The following FOXI1 variants were observed in gnomAD, a reference collection of about 807,000 sequenced individuals.
FOXI1 encodes forkhead box protein I1.
A neutral mutation model predicts 16.4 loss-of-function variants in FOXI1; 11 were observed. The ratio of observed to expected loss-of-function variants is 0.67; its 90% CI spans 0.42 to 1.11. FOXI1 has a LOEUF of 1.11. FOXI1 is among the 50% of genes least tolerant of loss of function. The pLI, the probability that FOXI1 is intolerant of heterozygous loss-of-function variation, is 0.00. For synonymous variants in FOXI1, 218 were observed against 211.5 expected, an observed-to-expected ratio of 1.03 and a Z score of -0.27; for missense variants, 480 against 506.1, an observed-to-expected ratio of 0.95 and a Z score of 0.49.
chr5:170,105,979 G>A lies in FOXI1; in HGVS notation c.22G>A (p.Ala8Thr), dbSNP rs1371952367. MSSFDLP[A>T]PSPPRCSPQF... ...CAGCATGAGCTCCTTCGACCTGCCG[G>A]CGCCCTCCCCACCTCGCTGCAGCCC... Residue 8 changes from alanine (A) to threonine (T), a missense_variant, in exon 1 of 2, where the codon GCG becomes ACG. Coordinates refer to ENST00000306268, the MANE Select transcript of FOXI1 (RefSeq NM_012188.5). 1 of 1,610,922 alleles carries A rather than the reference G, an allele frequency of 6.2e-7. No homozygotes were observed.
chr5:170,107,599 G>C (rs925162973), intron 1 of FOXI1, among the ~76,000 whole-genome samples: 1 of 152,212 alleles, frequency 6.6e-6, no homozygotes, highest in Non-Finnish European at 1.5e-5. Flanking sequence ...CTAGAAAACA[G>C]GTTCTTCCAA....
intron 1 of FOXI1, among the ~76,000 whole-genome samples, chr5:170,107,508 G>A (rs1440469737): frequency 6.6e-6 from 1 of 152,204 alleles, no homozygotes. Flanking sequence ...CCTCCCAGCT[G>A]CAACGCTCCT....
intron 1 of FOXI1, 67 bp downstream of exon 1, chr5:170,106,598 A>C: frequency 6.3e-7 from 1 of 1,594,312 alleles, no homozygotes; most frequent in African/African-American, 1.3e-5. Context: ...CCAAGACCCC[A>C]TTCTAGAAAG....
At position 170,108,878 on chromosome 5, in the gene FOXI1, T is replaced by C. The variant is rs1003288855; in HGVS notation, c.*267T>C. The C allele has an allele frequency of 4.0e-6, 2 of 494,014 alleles. No homozygotes were observed. The highest frequency in any genetic ancestry group is 2.6e-5 in the South Asian group (1 of 38,240). The allele number at this position is 494,014 out of a possible 1,614,324, so 30.6% of individuals were successfully genotyped here. ...GCAGGTGCTGTACTAGGCTCTGTACTGGCCACACTTACTATTGACAGTCAC... is the reference window on the plus strand; with the variant it reads ...GCAGGTGCTGTACTAGGCTCTGTACCGGCCACACTTACTATTGACAGTCAC... On this transcript the variant is annotated 3_prime_UTR_variant, in exon 2 of 2. Coordinates refer to ENST00000306268, the MANE Select transcript of FOXI1 (RefSeq NM_012188.5).
rs1758475384 is a variant in FOXI1 at position 170,106,176 on chromosome 5, A to G, written c.219A>G (p.Pro73=). The G allele has an allele frequency of 1.3e-6, 2 of 1,595,230 alleles. No homozygotes were observed. The highest frequency in any genetic ancestry group is 4.6e-5 in the East Asian group (2 of 43,798). ...TCAACGGGCCCACCATGACCCCGCC[A>G]CCCTACCTGCCCGGCCCCAACGCCA... ...LWFNGPTMTP[P]PYLPGPNASP... is the part of the protein sequence containing the mutation. The change falls in exon 1 of 2, where the codon CCA becomes CCG. Residue 73 remains proline (P), a synonymous_variant. Coordinates refer to ENST00000306268, the MANE Select transcript of FOXI1 (RefSeq NM_012188.5).
At position 170,107,079 on chromosome 5, in the gene FOXI1, G is replaced by A. The variant is rs1008426906; in HGVS notation, c.574+548G>A. 15 of 754,564 alleles carry A rather than the reference G, an allele frequency of 2.0e-5. No individual in the cohort carries two copies. The South Asian group carries it at 3.0e-4, about 15-fold the overall frequency. 46.7% of individuals were successfully genotyped at this position (754,564 alleles called of 1,614,324 possible). ...CTACTTAGGTAACCTCCTTTAACCC[G>A]AAGACACCCCTGCAGGGTAGCTCTT... On this transcript the variant is annotated intron_variant, in intron 1 of 1. Coordinates refer to ENST00000306268, the MANE Select transcript of FOXI1 (RefSeq NM_012188.5).
Position 170,108,616 on chromosome 5 carries a change from A to T in FOXI1, c.*5A>T. 1.9e-6 allele frequency: 3 copies of T among 1,608,702 alleles called. No homozygotes were observed. Among genetic ancestry groups the T allele is most frequent in the Non-Finnish European group, 2.6e-6 (3 of 1,175,830 alleles). On this transcript the variant is annotated 3_prime_UTR_variant, in exon 2 of 2. Transcript: ENST00000306268. The stretch of plus-strand genomic sequence containing the variant: ...AGGGAGGGCACCGAGGTCTAGGTAC[A>T]GAACAGCTCCTGAGCCAGGTGGACA...
rs1233235447 is a variant in FOXI1, at chr5:170,108,101, T to C, written c.627T>C (p.Asn209=). The C allele has an allele frequency of 6.2e-7, 1 of 1,614,126 alleles. No homozygotes were observed. The highest frequency in any genetic ancestry group is 2.2e-5 in the East Asian group (1 of 44,882). The change falls in exon 2 of 2, where the codon AAT becomes AAC. Residue 209 remains asparagine, a synonymous_variant. Coordinates refer to ENST00000306268, the MANE Select transcript of FOXI1 (RefSeq NM_012188.5). ...LDPNCEKMFD[N]GNFRRKRKRK... is the part of the protein sequence containing the mutation. ...CCAACTGTGAGAAAATGTTCGACAA[T>C]GGAAATTTCCGCAGGAAAAGGAAGA...
In FOXI1 at chr5:170,108,919, AACC is replaced by A. The variant is rs1168430752; in HGVS notation, c.*312_*314del. On this transcript the variant is annotated 3_prime_UTR_variant, in exon 2 of 2. Coordinates refer to ENST00000306268, the MANE Select transcript of FOXI1 (RefSeq NM_012188.5). Reference sequence around the variant, plus strand: ...TGACAGTCACCCCGTAAGGTTCACAAACCACCCCATTGAACAGATGAGGAACTG... The same window carrying A: ...TGACAGTCACCCCGTAAGGTTCACAAACCCCATTGAACAGATGAGGAACTG... The A allele has an allele frequency of 1.9e-5, 7 of 375,936 alleles. No homozygotes were observed. Among genetic ancestry groups the A allele is most frequent in the African/African-American group, 1.4e-4 (7 of 48,838 alleles). The allele number at this position is 375,936 out of a possible 1,614,324, so 23.3% of individuals were successfully genotyped here.
At position 170,106,558 on chromosome 5, in the gene FOXI1, G is replaced by A. The variant is rs1017653820; in HGVS notation, c.574+27G>A. 2.5e-6 allele frequency: 4 copies of A among 1,613,556 alleles called. No homozygotes were observed. In the African/African-American group the frequency reaches 4.0e-5, roughly 16 times the overall value. Reference sequence around the variant, plus strand: ...TAAGGAGGCTTTGAGTGTGGGGGGTGTCCCCAAGGAAGACTCACTTCCTTC... The same window carrying A: ...TAAGGAGGCTTTGAGTGTGGGGGGTATCCCCAAGGAAGACTCACTTCCTTC... On this transcript the variant is annotated intron_variant, in intron 1 of 1. Transcript: ENST00000306268.
At chr5:170,106,933 A>G (rs1581593145) in intron 1 of FOXI1, 7 of 968,218 alleles carry the variant, frequency 7.2e-6, no homozygotes, top group Non-Finnish European at 8.6e-6. Flanking sequence ...GCACATAGAA[A>G]GTCTTTGGTG....
Position 170,106,263 on chromosome 5 carries a change from T to TG in FOXI1, c.312dup (p.Ser105GlufsTer100). 2 of 1,580,624 alleles carry TG rather than the reference T, an allele frequency of 1.3e-6. No individual in the cohort carries two copies. Among genetic ancestry groups the TG allele is most frequent in the South Asian group, 1.1e-5 (1 of 87,290 alleles). On this transcript the variant is annotated frameshift_variant, in exon 1 of 2. Coordinates refer to ENST00000306268, the MANE Select transcript of FOXI1 (RefSeq NM_012188.5). LOFTEE classifies it high-confidence loss of function. ...CGCTGCTGCCCAGCGTGTCGGGGCT[T>TG]GGGGGGAGCGACCTGGGCTGGCTGC... is the stretch of plus-strand genomic sequence containing the variant.
At chr5:170,107,424 T>C (rs1758523487) in intron 1 of FOXI1, among the ~76,000 whole-genome samples, 2 of 152,180 alleles carry the variant, frequency 1.3e-5, no homozygotes, top group African/African-American at 4.8e-5. Context: ...GCAAGTGTCC[T>C]GTCCAAGGAC....
chr5:170,108,186 C>T lies in FOXI1; in HGVS notation c.712C>T (p.Leu238Phe), dbSNP rs748781630. The T allele has an allele frequency of 6.8e-6, 11 of 1,614,232 alleles. No homozygotes were observed. Among genetic ancestry groups the T allele is most frequent in the Non-Finnish European group, 8.5e-6 (10 of 1,180,036 alleles). Residue 238 changes from leucine to phenylalanine, a missense_variant, in exon 2 of 2, where the codon CTC becomes TTC. Coordinates refer to ENST00000306268, the MANE Select transcript of FOXI1 (RefSeq NM_012188.5). Reference sequence around the variant, plus strand: ...GGCCTTAGAGAAGACAGAGAGCAGTCTCCCGGTGGACAGCCCCAAGACCAC... The same window carrying T: ...GGCCTTAGAGAAGACAGAGAGCAGTTTCCCGGTGGACAGCCCCAAGACCAC... The part of the protein sequence containing the change: ...SLALEKTESS[L>F]PVDSPKTTEP...
intron 1 of FOXI1, 97 bp from the exon 2 acceptor site, chr5:170,107,952 A>G (rs1354579488): frequency 1.1e-6 from 1 of 935,712 alleles, no homozygotes; most frequent in Admixed American, 1.9e-5. Flanking sequence ...GTCTTCCTGC[A>G]TCTGTCACCT....
chr5:170,106,638 G>A (rs1758499392), intron 1 of FOXI1, 107 bp downstream of exon 1: 3 of 1,486,034 alleles, frequency 2.0e-6, no homozygotes, highest in Non-Finnish European at 2.7e-6. Context: ...CCCCAAGACT[G>A]GGGGATGCTA....
At position 170,108,041 on chromosome 5, in the gene FOXI1, TG is replaced by T; in HGVS notation, c.575-7del. On this transcript the variant is annotated splice_region_variant and splice_polypyrimidine_tract_variant and intron_variant, in intron 1 of 1. Coordinates refer to ENST00000306268, the MANE Select transcript of FOXI1 (RefSeq NM_012188.5). ...CTCTCTATTTACCCCCTTTCACTTT[TG>T]TATCAGGCAAAGGGAATTACTGGAC... is the stretch of plus-strand genomic sequence containing the variant. 6.2e-7 allele frequency: 1 copy of T among 1,610,616 alleles called. No homozygotes were observed. The highest frequency in any genetic ancestry group is 8.5e-7 in the Non-Finnish European group (1 of 1,176,958).
Position 170,109,550 on chromosome 5 carries a change from A to G in FOXI1, c.*939A>G, listed in dbSNP as rs1166931327. 2 of 147,516 alleles carry G rather than the reference A, an allele frequency of 1.4e-5. No homozygotes were observed. The highest frequency in any genetic ancestry group is 3.0e-5 in the Non-Finnish European group (2 of 67,288). The allele number at this position is 147,516 out of a possible 1,614,324, so 9.1% of individuals were successfully genotyped here. On this transcript the variant is annotated 3_prime_UTR_variant, in exon 2 of 2. Coordinates refer to ENST00000306268, the MANE Select transcript of FOXI1 (RefSeq NM_012188.5). ...GTTGGATAAGCGCTTCCTTTTTTTT[A>G]GCCCAGGAGAGGTGGATGTTTGTCT...
chr5:170,106,847 G>A (rs1758505686), intron 1 of FOXI1: 1 of 303,750 alleles, frequency 3.3e-6, no homozygotes, highest in South Asian at 1.3e-4. Flanking sequence ...ATGAGATAAT[G>A]TACACAAGGT....
Sources: allele counts gnomAD v4.1 joint callset (sites outside exome capture counted in the v4.1 genomes callset), GRCh38; gene constraint gnomAD v4.1.1; transcripts MANE v1.5; gene names NCBI Gene and HGNC (gene_info 2026-07-23, HGNC 2026-07-21).